LHFPL5: variants seen among roughly 807,000 people sequenced by gnomAD.
The protein encoded by LHFPL5 is LHFPL tetraspan subfamily member 5 protein.
A neutral mutation model predicts 18.7 loss-of-function variants in LHFPL5; 12 were observed. The observed-to-expected ratio is 0.64, with a 90% CI of 0.41 to 1.04. The LOEUF is 1.04. LHFPL5 is among the 50% of genes least tolerant of loss of function. LHFPL5 has a pLI of 0.00. For synonymous variants in LHFPL5, 111 were observed against 120.2 expected, an observed-to-expected ratio of 0.92 and a Z score of 0.50; for missense variants, 259 against 292.1, an observed-to-expected ratio of 0.89 and a Z score of 0.83.
Position 35,810,806 on chromosome 6 carries a change from G to A in LHFPL5, c.413-3740G>A, listed in dbSNP as rs112871773. 6.9e-3 allele frequency among the ~76,000 whole-genome samples: 952 copies of A among 137,702 alleles called. 9 individuals are homozygous for A. Among genetic ancestry groups the A allele is most frequent in the Middle Eastern group, 0.025 (6 of 236 alleles). The allele number at this position is 137,702 out of a possible 152,430, so 90.3% of individuals were successfully genotyped here. ...CGCGCCACTGCACTCCAGCCTGGGC[G>A]ACAGAGTGAGACTCCGTCTCAAAAA... On this transcript the variant is annotated intron_variant, in intron 1 of 3. Coordinates refer to ENST00000360215, the MANE Select transcript of LHFPL5 (RefSeq NM_182548.4).
chr6:35,806,199 C>A, intron 1 of LHFPL5, 117 bp downstream of exon 1: 1 of 1,088,148 alleles, frequency 9.2e-7, no homozygotes, highest in Non-Finnish European at 1.3e-6. Context: ...CTCCTATAGC[C>A]CAGTCCTACT....
chr6:35,816,345 CAAAAAAAA>C (rs761580974), intron 2 of LHFPL5, among the ~76,000 whole-genome samples: 10 of 77,652 alleles, frequency 1.3e-4, no homozygotes, highest in African/African-American at 3.9e-4. Context: ...GACTCCGTCT[CAAAAAAAA>C]AAAAAAAAGA....
At chr6:35,813,984 A>G (rs1378442656) in intron 1 of LHFPL5, among the ~76,000 whole-genome samples, 4 of 151,776 alleles carry the variant, frequency 2.6e-5, no homozygotes, top group African/African-American at 7.3e-5. Flanking sequence ...TTAGTAGAGA[A>G]CAGGGTTTCT....
chr6:35,810,826 CAAA>C (rs11339201), intron 1 of LHFPL5, among the ~76,000 whole-genome samples: 9 of 87,736 alleles, frequency 1.0e-4, no homozygotes, highest in Admixed American at 1.2e-4. Context: ...GACTCCGTCT[CAAA>C]AAAAAAAAAA....
Position 35,814,888 on chromosome 6 carries a change from G to A in LHFPL5, c.649+106G>A, listed in dbSNP as rs1372237089. ...AAGGCTTGGTCCCTGGCCAAGGGAT[G>A]GGGACACCAAGACTAATCAGACACA... On this transcript the variant is annotated intron_variant, in intron 2 of 3. Transcript: ENST00000360215. This position sits in a 1 kb window ranked among gnomAD's most constrained non-coding sequence, Gnocchi z 4.2. 1 of 1,011,948 alleles carries A rather than the reference G, an allele frequency of 9.9e-7. No individual in the cohort carries two copies. The highest frequency in any genetic ancestry group is 1.6e-6 in the Non-Finnish European group (1 of 637,544). 62.7% of individuals were successfully genotyped at this position (1,011,948 alleles called of 1,614,324 possible).
intron 3 of LHFPL5, among the ~76,000 whole-genome samples, chr6:35,820,881 G>A (rs947865190): frequency 3.9e-5 from 6 of 152,256 alleles, no homozygotes; most frequent in African/African-American, 1.4e-4. Context: ...TTTGCAAAGT[G>A]CCTTCCAATC....
At chr6:35,819,500 T>C (rs1768825523) in intron 3 of LHFPL5, 37 bp downstream of exon 3, 7 of 1,600,258 alleles carry the variant, frequency 4.4e-6, no homozygotes, top group Non-Finnish European at 6.0e-6. Flanking sequence ...TGCGTGCCCT[T>C]AGAAAGGCTG....
At chr6:35,818,361 T>A (rs1768806894) in intron 2 of LHFPL5, among the ~76,000 whole-genome samples, 1 of 137,326 alleles carries the variant, frequency 7.3e-6, no homozygotes, top group Middle Eastern at 3.5e-3. Flanking sequence ...ATTTTTTTTT[T>A]TTTTTTTTTT....
chr6:35,818,336 TATATATATATA>T (rs1360296804), intron 2 of LHFPL5, among the ~76,000 whole-genome samples: 798 of 11,678 alleles, frequency 0.068, 17 homozygotes, highest in African/African-American at 0.081. Flanking sequence ...TATATATATA[TATATATATATA>T]TGTATTTTTT....
chr6:35,805,545 C>A lies in LHFPL5; in HGVS notation c.-126C>A. On this transcript the variant is annotated 5_prime_UTR_variant, in exon 1 of 4. Transcript: ENST00000360215. This position sits in a 1 kb window ranked among gnomAD's most constrained non-coding sequence, Gnocchi z 4.3. ...TTCCCCTTGCCTTGAAGGGACCTCA[C>A]CTGGTGCCCTGACCTCAGCCTCCTC... 1.1e-6 allele frequency: 1 copy of A among 919,850 alleles called. No individual in the cohort carries two copies. The highest frequency in any genetic ancestry group is 1.7e-6 in the Non-Finnish European group (1 of 580,916). The allele number at this position is 919,850 out of a possible 1,614,324, so 57.0% of individuals were successfully genotyped here. A position where few individuals can be genotyped will look rare whatever the true frequency, so the allele number is the denominator to read the frequency against.
intron 3 of LHFPL5, among the ~76,000 whole-genome samples, chr6:35,821,481 G>GTGTGTGTGTGTGTGTGTGTA (rs1554147694): frequency 3.7e-4 from 55 of 147,070 alleles, no homozygotes; most frequent in Admixed American, 3.5e-3. Flanking sequence ...GTGTGTGTGT[G>GTGTGTGTGTGTGTGTGTGTA]TGTGTGTGTG....
intron 3 of LHFPL5, among the ~76,000 whole-genome samples, chr6:35,820,954 A>G (rs1768853785): frequency 6.6e-6 from 1 of 152,140 alleles, no homozygotes; most frequent in Non-Finnish European, 1.5e-5. Context: ...TCCTGCACTT[A>G]TTAGAGCATG....
At position 35,814,473 on chromosome 6, in the gene LHFPL5, A is replaced by G. The variant is rs1364995369; in HGVS notation, c.413-73A>G. ...AGAAGGGAGGTGACAACATAACAGC[A>G]GTGCAAGGTGTGGGAGGTAGCGGGC... is the stretch of plus-strand genomic sequence containing the variant. On this transcript the variant is annotated intron_variant, in intron 1 of 3. Transcript: ENST00000360215. The surrounding 1 kb of genome is among the most constrained non-coding windows in gnomAD (Gnocchi z 4.2). The G allele has an allele frequency of 5.3e-6, 6 of 1,124,356 alleles. No individual in the cohort carries two copies. The highest frequency in any genetic ancestry group is 8.2e-6 in the Non-Finnish European group (6 of 733,774). The allele number at this position is 1,124,356 out of a possible 1,614,324, so 69.6% of individuals were successfully genotyped here. A position where few individuals can be genotyped will look rare whatever the true frequency, so the allele number is the denominator to read the frequency against.
At chr6:35,812,435 C>G (rs1334700117) in intron 1 of LHFPL5, among the ~76,000 whole-genome samples, 1 of 152,160 alleles carries the variant, frequency 6.6e-6, no homozygotes, top group Non-Finnish European at 1.5e-5. Context: ...CTGGGGCTGG[C>G]TGCCCCAGTT....
chr6:35,813,135 C>T (rs1768696188), intron 1 of LHFPL5, among the ~76,000 whole-genome samples: 2 of 151,992 alleles, frequency 1.3e-5, no homozygotes. Flanking sequence ...GAAATCCAGG[C>T]AGCCTAGTCT....
In LHFPL5 at chr6:35,823,477, A is replaced by ACACTCT. The variant is rs1554147856; in HGVS notation, c.*513_*514insACTCTC. The ACACTCT allele has an allele frequency of 7.1e-6, 1 of 140,750 alleles. No individual in the cohort carries two copies. The highest frequency in any genetic ancestry group is 2.7e-5 in the African/African-American group (1 of 36,488). The allele number at this position is 140,750 out of a possible 1,614,324, so 8.7% of individuals were successfully genotyped here. ...CACACACACACACACACACACACAC[A>ACACTCT]CTCTCTCTCTCTCTCAAACACACAC... On this transcript the variant is annotated 3_prime_UTR_variant, in exon 4 of 4. Transcript: ENST00000360215.
chr6:35,818,351 A>ATTTTTTTTTTTTTTTTTTTTTTT (rs766409391), intron 2 of LHFPL5, among the ~76,000 whole-genome samples: 1 of 106,926 alleles, frequency 9.4e-6, no homozygotes, highest in African/African-American at 3.8e-5. Flanking sequence ...ATATATATGT[A>ATTTTTTTTTTTTTTTTTTTTTTT]TTTTTTTTTT....
chr6:35,817,003 G>A (rs998265665), intron 2 of LHFPL5, among the ~76,000 whole-genome samples: 33 of 151,912 alleles, frequency 2.2e-4, no homozygotes, highest in African/African-American at 6.8e-4. Context: ...TTAACTCAAA[G>A]ACCTAAACAC....
At chr6:35,822,352 A>C (rs1468191392) in intron 3 of LHFPL5, among the ~76,000 whole-genome samples, 1 of 152,164 alleles carries the variant, frequency 6.6e-6, no homozygotes, top group Admixed American at 6.5e-5. Flanking sequence ...ACTACATTTT[A>C]AAAGACCTAA....
Sources: gnomAD v4.1 joint callset for allele counts (sites outside exome capture counted in the v4.1 genomes callset) on GRCh38, gnomAD v4.1.1 for gene constraint, Gnocchi (gnomAD v3.1) non-coding constraint, MANE v1.5 for transcripts, NCBI Gene and HGNC (gene_info 2026-07-23, HGNC 2026-07-21) for gene names.